The following KIF26B variants were observed in gnomAD, a reference collection of about 807,000 sequenced individuals.
KIF26B encodes the protein kinesin-like protein KIF26B.
In KIF26B, 63 loss-of-function variants were observed where a neutral mutation model predicts 151.2. The ratio of observed to expected loss-of-function variants is 0.42; its 90% CI spans 0.34 to 0.51. The LOEUF (loss-of-function observed/expected upper bound fraction) is 0.51. KIF26B is among the 20% of genes least tolerant of loss of function. The probability of loss-of-function intolerance (pLI) is 0.07; values close to 1 mark genes in which losing one functional copy is unlikely to be tolerated. For synonymous variants in KIF26B, 1,357 were observed against 1,262.1 expected (o/e 1.08, Z -1.59); for missense variants, 2,813 against 2,913.6 (o/e 0.97, Z 0.79).
intron 3 of KIF26B, among the ~76,000 whole-genome samples, chr1:245,373,344 T>A (rs192894209): frequency 6.6e-6 from 1 of 152,308 alleles, no homozygotes; most frequent in East Asian, 1.9e-4. Context: ...TCCAAGCTAA[T>A]CTTTAACCTG....
rs114260597 is a variant in KIF26B, at chr1:245,239,254, G to A, written c.465+82571G>A. Among the ~76,000 whole-genome samples the A allele has an allele frequency of 0.012, 1,771 of 152,202 alleles. 32 individuals carry two copies. Among genetic ancestry groups the A allele is most frequent in the African/African-American group, 0.04 (1,651 of 41,520 alleles). On this transcript the variant is annotated intron_variant, in intron 2 of 14. Transcript: ENST00000407071. The surrounding 1 kb of genome is among the most constrained non-coding windows in gnomAD (Gnocchi z 4.3). Reference sequence around the variant, plus strand: ...CGTGCAGATATCAGGCTGCAGTCCCGCAGAAAATGATGATGTTGCACAAGG... The same window carrying A: ...CGTGCAGATATCAGGCTGCAGTCCCACAGAAAATGATGATGTTGCACAAGG...
rs2044849706 is a variant in KIF26B, at chr1:245,706,989, G to A, written c.*4383G>A. 6.6e-6 allele frequency: 1 copy of A among 152,192 alleles called. No homozygotes were observed. The highest frequency in any genetic ancestry group is 2.4e-5 in the African/African-American group (1 of 41,448). The allele number at this position is 152,192 out of a possible 1,614,324, so 9.4% of individuals were successfully genotyped here. On this transcript the variant is annotated 3_prime_UTR_variant, in exon 15 of 15. Coordinates refer to ENST00000407071, the MANE Select transcript of KIF26B (RefSeq NM_018012.4). ...ATTGGTGGGTAACAGCTTATAAAGT[G>A]CATCACTTAGTAATCTTCCTGACAA...
In KIF26B at chr1:245,652,339, A is replaced by C. The variant is rs544362811; in HGVS notation, c.2258+6059A>C. Among the ~76,000 whole-genome samples, 3 of 152,282 alleles carry C rather than the reference A, an allele frequency of 2.0e-5. No homozygotes were observed. In the East Asian group the frequency reaches 5.8e-4, roughly 29 times the overall value. On this transcript the variant is annotated intron_variant, in intron 10 of 14. Coordinates refer to ENST00000407071, the MANE Select transcript of KIF26B (RefSeq NM_018012.4). ...GGCAACTGCAGCAATGATAATTCTT[A>C]GTATTGCTGCTTTAGAAATACTCAT...
chr1:245,460,218 G>A (rs1659617822), intron 4 of KIF26B, among the ~76,000 whole-genome samples: 1 of 152,138 alleles, frequency 6.6e-6, no homozygotes, highest in South Asian at 2.1e-4. Context: ...TGCCCACCTC[G>A]GCCTCCCAAA....
intron 4 of KIF26B, among the ~76,000 whole-genome samples, chr1:245,449,640 G>T (rs565611684): frequency 6.6e-6 from 1 of 152,282 alleles, no homozygotes; most frequent in Non-Finnish European, 1.5e-5. Flanking sequence ...TGGCTAGCCC[G>T]AAGCTCTTTA....
At chr1:245,681,249 G>T (rs1443223562) in intron 10 of KIF26B, among the ~76,000 whole-genome samples, 1 of 144,164 alleles carries the variant, frequency 6.9e-6, no homozygotes, top group African/African-American at 2.6e-5. Flanking sequence ...TCGCTCTGTC[G>T]CCCAGGCTGA....
intron 2 of KIF26B, among the ~76,000 whole-genome samples, chr1:245,228,267 C>A (rs1284840557): frequency 2.0e-5 from 3 of 152,166 alleles, no homozygotes; most frequent in African/African-American, 7.2e-5. Context: ...CTAGCACCAC[C>A]TTTGTATCTA....
chr1:245,374,657 C>T (rs1057225955), intron 3 of KIF26B, among the ~76,000 whole-genome samples: 11 of 152,176 alleles, frequency 7.2e-5, no homozygotes, highest in Middle Eastern at 3.4e-3. Context: ...CCAATTATGA[C>T]GTGGAAGAGA....
intron 2 of KIF26B, among the ~76,000 whole-genome samples, chr1:245,305,780 T>G (rs966935096): frequency 2.6e-5 from 4 of 151,182 alleles, no homozygotes; most frequent in African/African-American, 9.7e-5. Flanking sequence ...CTACTAAAAA[T>G]ACAAAAAATT....
Position 245,400,440 on chromosome 1 carries a change from C to T in KIF26B, c.1000-19139C>T, listed in dbSNP as rs1673968125. ...AGTATTCTAAATTCATAATTATAAC[C>T]TGAGGGATGTATGCCCACAGGGCAT... is the stretch of plus-strand genomic sequence containing the variant. On this transcript the variant is annotated intron_variant, in intron 3 of 14. Coordinates refer to ENST00000407071, the MANE Select transcript of KIF26B (RefSeq NM_018012.4). Among the ~76,000 whole-genome samples, 5 of 150,234 alleles carry T rather than the reference C, an allele frequency of 3.3e-5. No individual in the cohort carries two copies. In the South Asian group the frequency reaches 1.0e-3, roughly 31 times the overall value.
At chr1:245,191,053 C>G (rs540203037) in intron 2 of KIF26B, among the ~76,000 whole-genome samples, 1 of 79,542 alleles carries the variant, frequency 1.3e-5, no homozygotes, top group Non-Finnish European at 2.2e-5. Context: ...GAGCAAGACT[C>G]TGTCTCAAAA....
intron 2 of KIF26B, among the ~76,000 whole-genome samples, chr1:245,182,127 G>A (rs890692593): frequency 2.0e-5 from 3 of 152,026 alleles, no homozygotes; most frequent in Admixed American, 6.6e-5. Flanking sequence ...TGTCCAGCTC[G>A]GTGCATTTCC....
At chr1:245,496,879 C>G (rs78294595) in intron 4 of KIF26B, among the ~76,000 whole-genome samples, 7,280 of 152,050 alleles carry the variant, frequency 0.048, 213 homozygotes, top group African/African-American at 0.062. Context: ...TAAATGCCAA[C>G]CAATATAAGC....
At chr1:245,522,053 T>C (rs536934038) in intron 4 of KIF26B, among the ~76,000 whole-genome samples, 138 of 152,178 alleles carry the variant, frequency 9.1e-4, no homozygotes, top group Admixed American at 1.9e-3. Flanking sequence ...GTATTTTTAG[T>C]AGAGACGGGG....
chr1:245,157,839 C>T (rs1573678111), intron 2 of KIF26B, among the ~76,000 whole-genome samples: 1 of 152,218 alleles, frequency 6.6e-6, no homozygotes, highest in Non-Finnish European at 1.5e-5. Flanking sequence ...CTAGACCTTC[C>T]GATTTAACAC....
intron 14 of KIF26B, among the ~76,000 whole-genome samples, chr1:245,699,417 C>T (rs1036943056): frequency 2.0e-5 from 3 of 151,618 alleles, no homozygotes; most frequent in Non-Finnish European, 2.9e-5. Context: ...ATTTATAGAG[C>T]CCTTAAAAAG....
At chr1:245,391,358 T>C (rs1248220985) in intron 3 of KIF26B, among the ~76,000 whole-genome samples, 1 of 152,242 alleles carries the variant, frequency 6.6e-6, no homozygotes, top group Non-Finnish European at 1.5e-5. Context: ...TGTACACAGT[T>C]ATCTGAATAC....
intron 4 of KIF26B, among the ~76,000 whole-genome samples, chr1:245,534,943 C>T (rs1020238858): frequency 2.6e-5 from 4 of 152,006 alleles, no homozygotes; most frequent in Admixed American, 6.6e-5. Context: ...CCACCATGCT[C>T]GACTAGTTTT....
intron 2 of KIF26B, among the ~76,000 whole-genome samples, chr1:245,317,432 G>A (rs1381584404): frequency 2.0e-5 from 3 of 152,304 alleles, no homozygotes; most frequent in African/African-American, 4.8e-5. Flanking sequence ...AAGGGAGGCC[G>A]TTTGTTTTGG....
Sources: allele counts gnomAD v4.1 joint callset (sites outside exome capture counted in the v4.1 genomes callset), GRCh38; gene constraint gnomAD v4.1.1; non-coding constraint Gnocchi (gnomAD v3.1); transcripts MANE v1.5; gene names NCBI Gene and HGNC (gene_info 2026-07-23, HGNC 2026-07-21).